Variants in FBXO30 observed in about 807,000 individuals in gnomAD.
The protein encoded by FBXO30 is F-box protein 30.
FBXO30 carries 21 observed loss-of-function variants against 58.1 expected under a neutral mutation model. That is an observed-to-expected ratio of 0.36 (90% CI 0.26 to 0.52). FBXO30 has a LOEUF of 0.52. FBXO30 is among the 20% of genes least tolerant of loss of function. The probability of loss-of-function intolerance (pLI) is 0.93; values close to 1 mark genes in which losing one functional copy is unlikely to be tolerated. For missense variants in FBXO30, 744 were observed against 897.3 expected, an observed-to-expected ratio of 0.83 and a Z score of 2.18; for synonymous variants, 309 against 312.4, an observed-to-expected ratio of 0.99 and a Z score of 0.11.
chr6:145,793,842 G>A lies in FBXO30; in HGVS notation c.*6264C>T, dbSNP rs1777818900. The stretch of plus-strand genomic sequence containing the variant: ...TTCACAAATTTTACTAGAACTTTAA[G>A]CTGAATAGATTTGTCATGTTACTAA... On this transcript the variant is annotated 3_prime_UTR_variant, in exon 3 of 3. Transcript: ENST00000237281. 6.6e-6 allele frequency: 1 copy of A among 152,022 alleles called. No individual in the cohort carries two copies. 9.4% of individuals were successfully genotyped at this position (152,022 alleles called of 1,614,324 possible). A position where few individuals can be genotyped will look rare whatever the true frequency, so the allele number is the denominator to read the frequency against.
At chr6:145,814,067 T>A (rs1427797671) in intron 1 of FBXO30, among the ~76,000 whole-genome samples, 2 of 152,144 alleles carry the variant, frequency 1.3e-5, no homozygotes, top group East Asian at 3.9e-4. Context: ...TCCCCTTTAA[T>A]AAGGACCGAG....
At position 145,793,730 on chromosome 6, in the gene FBXO30, C is replaced by T. The variant is rs1045430499; in HGVS notation, c.*6376G>A. 1 of 151,986 alleles carries T rather than the reference C, an allele frequency of 6.6e-6. No homozygotes were observed. The highest frequency in any genetic ancestry group is 2.4e-5 in the African/African-American group (1 of 41,416). 9.4% of individuals were successfully genotyped at this position (151,986 alleles called of 1,614,324 possible). The stretch of plus-strand genomic sequence containing the variant: ...TAAACATTGACACAGAAGTCAATCA[C>T]TCAGTCACAGAAGTTTTAAATATAA... On this transcript the variant is annotated 3_prime_UTR_variant, in exon 3 of 3. Coordinates refer to ENST00000237281, the MANE Select transcript of FBXO30 (RefSeq NM_032145.5).
In FBXO30 at chr6:145,796,126, G is replaced by A. The variant is rs1473049593; in HGVS notation, c.*3980C>T. The stretch of plus-strand genomic sequence containing the variant: ...CAAATATCCCAGTACACTAATCACT[G>A]CCTAAATTTTGAGTACCTATTTTCT... On this transcript the variant is annotated 3_prime_UTR_variant, in exon 3 of 3. Coordinates refer to ENST00000237281, the MANE Select transcript of FBXO30 (RefSeq NM_032145.5). 1 of 151,848 alleles carries A rather than the reference G, an allele frequency of 6.6e-6. No individual in the cohort carries two copies. Among genetic ancestry groups the A allele is most frequent in the Admixed American group, 6.6e-5 (1 of 15,226 alleles). The allele number at this position is 151,848 out of a possible 1,614,324, so 9.4% of individuals were successfully genotyped here. A position where few individuals can be genotyped will look rare whatever the true frequency, so the allele number is the denominator to read the frequency against.
Position 145,795,011 on chromosome 6 carries a change from A to G in FBXO30, c.*5095T>C, listed in dbSNP as rs1397652857. On this transcript the variant is annotated 3_prime_UTR_variant, in exon 3 of 3. Coordinates refer to ENST00000237281, the MANE Select transcript of FBXO30 (RefSeq NM_032145.5). ...GCAGGACCCCTTTTTTTCAATTTCA[A>G]TCTTTTGAATATTAACAAATTGTTA... is the stretch of plus-strand genomic sequence containing the variant. The G allele has an allele frequency of 6.6e-6, 1 of 151,708 alleles. No homozygotes were observed. The highest frequency in any genetic ancestry group is 1.9e-4 in the East Asian group (1 of 5,188). 9.4% of individuals were successfully genotyped at this position (151,708 alleles called of 1,614,324 possible). A position where few individuals can be genotyped will look rare whatever the true frequency, so the allele number is the denominator to read the frequency against.
At chr6:145,812,376 A>G (rs564060995) in intron 1 of FBXO30, among the ~76,000 whole-genome samples, 1 of 152,318 alleles carries the variant, frequency 6.6e-6, no homozygotes, top group East Asian at 1.9e-4. Context: ...TAAATATTTA[A>G]TACTCGGACT....
In FBXO30 at chr6:145,805,286, C is replaced by T. The variant is rs1778129439; in HGVS notation, c.1120G>A (p.Asp374Asn). Residue 374 changes from aspartate (D) to asparagine (N), a missense_variant, in exon 2 of 3, where the codon GAC becomes AAC. Asp to Asn is a conservative substitution (Grantham distance 23). Coordinates refer to ENST00000237281, the MANE Select transcript of FBXO30 (RefSeq NM_032145.5). ...ELCWKKVDLG[D>N]VKNVDVLSFS... Reference sequence around the variant, plus strand: ...GATAAGACATCCACATTCTTCACGTCCCCTAAGTCTACTTTTTTCCAACAC... The same window carrying T: ...GATAAGACATCCACATTCTTCACGTTCCCTAAGTCTACTTTTTTCCAACAC... The T allele has an allele frequency of 1.2e-6, 2 of 1,613,932 alleles. No individual in the cohort carries two copies. Among genetic ancestry groups the T allele is most frequent in the Admixed American group, 3.3e-5 (2 of 59,978 alleles).
intron 2 of FBXO30, among the ~76,000 whole-genome samples, chr6:145,801,604 C>A (rs879443564): frequency 2.6e-5 from 4 of 151,996 alleles, no homozygotes; most frequent in African/African-American, 9.7e-5. Context: ...AATGTCTTCT[C>A]AGGGTGGCTA....
In FBXO30 at chr6:145,805,743, C is replaced by T. The variant is rs552414580; in HGVS notation, c.663G>A (p.Gln221=). ...CCTCTAAGCTTTCTCTCGCATTTTGCTGTTCATCCATGTCATTTGGGACAC... is the reference window on the plus strand; with the variant it reads ...CCTCTAAGCTTTCTCTCGCATTTTGTTGTTCATCCATGTCATTTGGGACAC... The part of the protein sequence containing the change: ...NTSVPNDMDE[Q]QNARESLEDQ... The change falls in exon 2 of 3, where the codon CAG becomes CAA. Residue 221 remains glutamine, a synonymous_variant. Coordinates refer to ENST00000237281, the MANE Select transcript of FBXO30 (RefSeq NM_032145.5). 1 of 1,614,070 alleles carries T rather than the reference C, an allele frequency of 6.2e-7. No homozygotes were observed. The highest frequency in any genetic ancestry group is 1.7e-5 in the Admixed American group (1 of 60,006).
Position 145,805,027 on chromosome 6 carries a change from G to C in FBXO30, c.1379C>G (p.Thr460Ser), listed in dbSNP as rs150645956. 6.2e-7 allele frequency: 1 copy of C among 1,613,902 alleles called. No individual in the cohort carries two copies. The highest frequency in any genetic ancestry group is 8.5e-7 in the Non-Finnish European group (1 of 1,179,948). The change falls in exon 2 of 3, where the codon ACT becomes AGT. Residue 460 changes from threonine (T) to serine (S), a missense_variant. Transcript: ENST00000237281. ...TAATATTGCAGATGGAAGTGAAAAA[G>C]TCTGAGTCCCAACGTCAATGTGATA... Reference protein sequence around the residue: ...DIYHIDVGTQTFSLPSAILAT... With the variant: ...DIYHIDVGTQSFSLPSAILAT...
intron 1 of FBXO30, among the ~76,000 whole-genome samples, chr6:145,813,813 A>T (rs1314899410): frequency 6.6e-6 from 1 of 152,220 alleles, no homozygotes; most frequent in African/African-American, 2.4e-5. Context: ...TTTATCTGGG[A>T]CTTACAACAG....
chr6:145,809,567 T>C (rs529608460), intron 1 of FBXO30, among the ~76,000 whole-genome samples: 1 of 152,280 alleles, frequency 6.6e-6, no homozygotes, highest in African/African-American at 2.4e-5. Context: ...AAAACAGCAA[T>C]AATTTTCAAA....
In FBXO30 at chr6:145,795,505, GT is replaced by G. The variant is rs1777852541; in HGVS notation, c.*4600del. On this transcript the variant is annotated 3_prime_UTR_variant, in exon 3 of 3. Transcript: ENST00000237281. ...TATGTTGTCAGTTCACTTCAAAAAT[GT>G]TTTCTTCATAGTAAAAGACAGATGC... The G allele has an allele frequency of 6.6e-6, 1 of 151,814 alleles. No homozygotes were observed. The highest frequency in any genetic ancestry group is 1.5e-5 in the Non-Finnish European group (1 of 67,770). 9.4% of individuals were successfully genotyped at this position (151,814 alleles called of 1,614,324 possible). A position where few individuals can be genotyped will look rare whatever the true frequency, so the allele number is the denominator to read the frequency against.
chr6:145,806,876 G>C (rs1250027970), intron 1 of FBXO30, among the ~76,000 whole-genome samples: 1 of 152,136 alleles, frequency 6.6e-6, no homozygotes, highest in Non-Finnish European at 1.5e-5. Flanking sequence ...TGAATTTCAT[G>C]AATATATTTA....
chr6:145,811,800 A>C (rs1176197549), intron 1 of FBXO30: 1 of 152,246 alleles, frequency 6.6e-6, no homozygotes, highest in Non-Finnish European at 1.5e-5. Flanking sequence ...GATTTGTTCA[A>C]TTAATTAACC....
At position 145,794,647 on chromosome 6, in the gene FBXO30, G is replaced by A. The variant is rs1777834654; in HGVS notation, c.*5459C>T. ...ATCCAGTTGACATAATCATTCATTG[G>A]GTAATTTTACTCTTGAGCAGACACA... On this transcript the variant is annotated 3_prime_UTR_variant, in exon 3 of 3. Transcript: ENST00000237281. 1 of 151,494 alleles carries A rather than the reference G, an allele frequency of 6.6e-6. No homozygotes were observed. The highest frequency in any genetic ancestry group is 1.5e-5 in the Non-Finnish European group (1 of 67,718). The allele number at this position is 151,494 out of a possible 1,614,324, so 9.4% of individuals were successfully genotyped here.
In FBXO30 at chr6:145,796,236, T is replaced by C. The variant is rs181094854; in HGVS notation, c.*3870A>G. On this transcript the variant is annotated 3_prime_UTR_variant, in exon 3 of 3. Coordinates refer to ENST00000237281, the MANE Select transcript of FBXO30 (RefSeq NM_032145.5). The stretch of plus-strand genomic sequence containing the variant: ...TAAAGGGAAATAATTATGTAAAAGA[T>C]GACTTCAAAAGCAAACCATCTTTCC... 2 of 152,138 alleles carry C rather than the reference T, an allele frequency of 1.3e-5. No individual in the cohort carries two copies. The highest frequency in any genetic ancestry group is 1.9e-4 in the East Asian group (1 of 5,186). The allele number at this position is 152,138 out of a possible 1,614,324, so 9.4% of individuals were successfully genotyped here.
chr6:145,810,747 A>T (rs1778310311), intron 1 of FBXO30, among the ~76,000 whole-genome samples: 1 of 152,244 alleles, frequency 6.6e-6, no homozygotes, highest in African/African-American at 2.4e-5. Context: ...TCATTAAAAT[A>T]CATAAGGAGG....
chr6:145,814,234 G>A (rs1049830589), intron 1 of FBXO30, among the ~76,000 whole-genome samples: 1 of 152,186 alleles, frequency 6.6e-6, no homozygotes, highest in Non-Finnish European at 1.5e-5. Context: ...GAAGCTTAGG[G>A]TTCCCTAAGT....
Position 145,806,126 on chromosome 6 carries a change from A to G in FBXO30, c.280T>C (p.Trp94Arg). ...GCATAACTAACTGGCCATCGATTCC[A>G]TTCCATAGTACAGCACACCACACTT... ...PASVVCCTME[W>R]NRWPVSYADR... The change falls in exon 2 of 3, where the codon TGG becomes CGG. Residue 94 changes from tryptophan to arginine, a missense_variant. Physicochemically the swap from Trp to Arg is moderately radical, Grantham distance 101 (BLOSUM62 -3). Coordinates refer to ENST00000237281, the MANE Select transcript of FBXO30 (RefSeq NM_032145.5). The G allele has an allele frequency of 1.9e-6, 3 of 1,614,108 alleles. No individual in the cohort carries two copies. The highest frequency in any genetic ancestry group is 2.5e-6 in the Non-Finnish European group (3 of 1,180,000).
Sources: gnomAD v4.1 joint callset for allele counts (sites outside exome capture counted in the v4.1 genomes callset) on GRCh38, gnomAD v4.1.1 for gene constraint, MANE v1.5 for transcripts, NCBI Gene and HGNC (gene_info 2026-07-23, HGNC 2026-07-21) for gene names.